Variants in CRB1 observed in about 807,000 individuals in gnomAD.
CRB1 encodes crumbs cell polarity complex component 1.
In CRB1, 83 loss-of-function variants were observed where a neutral mutation model predicts 120.0. The observed-to-expected ratio is 0.69, with a 90% CI of 0.58 to 0.83. The LOEUF (loss-of-function observed/expected upper bound fraction) is 0.83, where lower values mean the gene tolerates loss of function less well. Ranked by LOEUF, CRB1 falls within the 40% of genes least tolerant of loss-of-function variation. The pLI is 0.00. For synonymous variants in CRB1, 625 were observed against 612.5 expected (o/e 1.02, Z -0.30); for missense variants, 1,699 against 1,687.6 (o/e 1.01, Z -0.12).
At chr1:197,427,162 A>G (rs1324038171) in intron 6 of CRB1, among the ~76,000 whole-genome samples, 1 of 152,166 alleles carries the variant, frequency 6.6e-6, no homozygotes, top group Non-Finnish European at 1.5e-5. Flanking sequence ...TCTTTAGTTT[A>G]TCAGTGCAGA....
At chr1:197,390,881 A>G (rs1418534605) in intron 5 of CRB1, among the ~76,000 whole-genome samples, 1 of 152,074 alleles carries the variant, frequency 6.6e-6, no homozygotes, top group African/African-American at 2.4e-5. Flanking sequence ...GGCCCTTAAG[A>G]ATAGGCTATA....
At chr1:197,258,088 A>C in the CRB1 span, among the ~76,000 whole-genome samples, 1 of 152,232 alleles carries the variant, frequency 6.6e-6, no homozygotes, top group African/African-American at 2.4e-5. Context: ...GAAAGAATAA[A>C]TAAGAACTAG....
the CRB1 span, among the ~76,000 whole-genome samples, chr1:197,257,806 A>G: frequency 6.6e-6 from 1 of 152,176 alleles, no homozygotes; most frequent in South Asian, 2.1e-4. Flanking sequence ...CCCTCCACCT[A>G]TTACTTATCC....
Position 197,434,946 on chromosome 1 carries a change from C to G in CRB1, c.3083C>G (p.Ser1028Ter), listed in dbSNP as rs1289830333. 1.2e-6 allele frequency: 2 copies of G among 1,613,916 alleles called. No individual in the cohort carries two copies. The highest frequency in any genetic ancestry group is 1.3e-5 in the African/African-American group (1 of 75,026). ...ATGCTAAGTCTGACAAGTTTGCAGT[C>G]AGTGAATGATGGCACATGGCACGAA... ...FYMLSLTSLQ[S>*]VNDGTWHEVT... Residue 1028 changes from serine to a stop codon, truncating the protein, a stop_gained, in exon 9 of 12, where the codon TCA (serine) becomes TGA (stop). Coordinates refer to ENST00000367400, the MANE Select transcript of CRB1 (RefSeq NM_201253.3). LOFTEE classifies it high-confidence loss of function.
chr1:197,401,075 T>C (rs1316751732), intron 5 of CRB1, among the ~76,000 whole-genome samples: 1 of 152,130 alleles, frequency 6.6e-6, no homozygotes, highest in East Asian at 1.9e-4. Context: ...AACTTCCTTT[T>C]TGTAATACAA....
At chr1:197,232,702 C>T in the CRB1 span, among the ~76,000 whole-genome samples, 2 of 152,020 alleles carry the variant, frequency 1.3e-5, no homozygotes, top group Admixed American at 1.3e-4. Flanking sequence ...AGGTCTCTAA[C>T]AAAAAGGGCT....
rs574857043 is a variant in CRB1 at position 197,473,201 on chromosome 1, G to A, written c.4006-4463G>A. ...AGGCTAAGTATACTAAACAAGTATC[G>A]AAATTGGATTCAAATCCCTTTCTGT... On this transcript the variant is annotated intron_variant, in intron 11 of 11. Coordinates refer to ENST00000367400, the MANE Select transcript of CRB1 (RefSeq NM_201253.3). Among the ~76,000 whole-genome samples the A allele has an allele frequency of 8.5e-4, 129 of 152,260 alleles. 1 individual carries two copies. The highest frequency in any genetic ancestry group is 1.5e-3 in the Non-Finnish European group (103 of 68,026).
At chr1:197,460,856 C>T (rs1666497425) in intron 11 of CRB1, among the ~76,000 whole-genome samples, 1 of 152,006 alleles carries the variant, frequency 6.6e-6, no homozygotes, top group Admixed American at 6.6e-5. Context: ...ACATAGTTTA[C>T]AAAAACACAA....
chr1:197,413,955 G>C, intron 5 of CRB1: 2 of 457,086 alleles, frequency 4.4e-6, no homozygotes, highest in South Asian at 3.1e-5. Flanking sequence ...AAAGATGTTT[G>C]GAGCCAGGAC....
intron 5 of CRB1, among the ~76,000 whole-genome samples, chr1:197,386,697 T>A (rs1391953747): frequency 6.6e-6 from 1 of 152,166 alleles, no homozygotes; most frequent in South Asian, 2.1e-4. Flanking sequence ...CTCTGGAGGT[T>A]CTTTATACAA....
chr1:197,404,558 T>C (rs1278050474), intron 5 of CRB1, among the ~76,000 whole-genome samples: 1 of 152,112 alleles, frequency 6.6e-6, no homozygotes, highest in Non-Finnish European at 1.5e-5. Flanking sequence ...GCACCTTTGG[T>C]TTTATGGTTA....
intron 3 of CRB1, among the ~76,000 whole-genome samples, chr1:197,347,045 CTTAA>C (rs1659816118): frequency 1.3e-5 from 2 of 152,196 alleles, no homozygotes; most frequent in South Asian, 2.1e-4. Context: ...TATATGCATA[CTTAA>C]TTGTCACAAT....
chr1:197,359,473 CCATT>C (rs1476419347), intron 5 of CRB1, among the ~76,000 whole-genome samples: 1 of 151,832 alleles, frequency 6.6e-6, no homozygotes, highest in African/African-American at 2.4e-5. Flanking sequence ...GATTTTTTAA[CCATT>C]CAGCCATTGA....
chr1:197,275,584 C>T (rs572066123), intron 1 of CRB1, among the ~76,000 whole-genome samples: 1 of 152,088 alleles, frequency 6.6e-6, no homozygotes, highest in Admixed American at 6.6e-5. Flanking sequence ...CAGCCTTTCA[C>T]TTTGAATTAA....
the CRB1 span, among the ~76,000 whole-genome samples, chr1:197,252,582 A>ATATATATATATGTGTGTG: frequency 1.4e-3 from 21 of 15,488 alleles, no homozygotes; most frequent in Admixed American, 2.3e-3. Context: ...ATATATATAT[A>ATATATATATATGTGTGTG]TGTGTGTGTG....
chr1:197,437,970 A>G (rs2125505090), intron 9 of CRB1: 1 of 155,440 alleles, frequency 6.4e-6, no homozygotes, highest in South Asian at 2.0e-4. Context: ...TTGCCATATC[A>G]GAGAGCCACA....
chr1:197,331,313 T>C (rs892826135), intron 2 of CRB1, among the ~76,000 whole-genome samples: 10 of 152,226 alleles, frequency 6.6e-5, no homozygotes, highest in African/African-American at 1.9e-4. Flanking sequence ...GGTAAATGAA[T>C]ATTAAATAAG....
the CRB1 span, among the ~76,000 whole-genome samples, chr1:197,233,874 T>G: frequency 6.6e-6 from 1 of 152,256 alleles, no homozygotes; most frequent in Admixed American, 6.5e-5. Context: ...TAATAAGCTC[T>G]CTGCTCCAGA....
At chr1:197,244,291 A>T in the CRB1 span, among the ~76,000 whole-genome samples, 1 of 152,194 alleles carries the variant, frequency 6.6e-6, no homozygotes, top group South Asian at 2.1e-4. Flanking sequence ...ACAATTTGGT[A>T]TGTTTTTGCA....
Sources: gnomAD v4.1 joint callset for allele counts (sites outside exome capture counted in the v4.1 genomes callset) on GRCh38, gnomAD v4.1.1 for gene constraint, MANE v1.5 for transcripts, NCBI Gene and HGNC (gene_info 2026-07-23, HGNC 2026-07-21) for gene names.